SLC9C1: variants seen among roughly 807,000 people sequenced by gnomAD.
SLC9C1 encodes solute carrier family 9 member C1, also known as sodium/hydrogen exchanger 10.
Under a neutral mutation model 140.9 loss-of-function variants are expected in SLC9C1, and 97 were observed. The observed-to-expected ratio is 0.69, with a 90% CI of 0.58 to 0.82. The LOEUF (loss-of-function observed/expected upper bound fraction) is 0.82, where lower values mean the gene tolerates loss of function less well. Among genes scored for constraint, SLC9C1 ranks in the 40% least tolerant of loss-of-function variants. The pLI is 0.00. For synonymous variants in SLC9C1, 440 were observed against 442.6 expected (o/e 0.99, Z 0.07); for missense variants, 1,340 against 1,389.3 (o/e 0.96, Z 0.56).
intron 28 of SLC9C1, among the ~76,000 whole-genome samples, chr3:112,150,842 T>C (rs201046162): frequency 2.6e-5 from 1 of 39,104 alleles, no homozygotes; most frequent in Non-Finnish European, 4.1e-5. Flanking sequence ...ATATATATAT[T>C]TTTTTTTTTT....
intron 10 of SLC9C1, among the ~76,000 whole-genome samples, chr3:112,250,774 G>A (rs1454012233): frequency 6.6e-6 from 1 of 152,264 alleles, no homozygotes; most frequent in Non-Finnish European, 1.5e-5. Flanking sequence ...GAGAAAAAGG[G>A]ACAGTTATAT....
intron 1 of SLC9C1, among the ~76,000 whole-genome samples, chr3:112,292,741 C>T (rs1480212909): frequency 1.3e-5 from 2 of 151,448 alleles, no homozygotes; most frequent in African/African-American, 4.8e-5. Context: ...GACGGGGTTT[C>T]ACTGTGTTAG....
intron 12 of SLC9C1, among the ~76,000 whole-genome samples, chr3:112,232,407 G>A (rs2078852536): frequency 6.6e-6 from 1 of 152,160 alleles, no homozygotes; most frequent in African/African-American, 2.4e-5. Flanking sequence ...GTCAGCAAAA[G>A]TTCACAATCA....
At chr3:112,229,155 T>A (rs2078756446) in intron 13 of SLC9C1, among the ~76,000 whole-genome samples, 1 of 152,044 alleles carries the variant, frequency 6.6e-6, no homozygotes, top group African/African-American at 2.4e-5. Flanking sequence ...GAATAGTGGC[T>A]CCAAGAGGCT....
chr3:112,287,936 G>A (rs926450463), intron 1 of SLC9C1, among the ~76,000 whole-genome samples: 1 of 151,516 alleles, frequency 6.6e-6, no homozygotes, highest in Non-Finnish European at 1.5e-5. Context: ...CTAGCTACTC[G>A]GGAGGCTGAG....
At chr3:112,287,818 C>T (rs1166043909) in intron 1 of SLC9C1, among the ~76,000 whole-genome samples, 5 of 152,028 alleles carry the variant, frequency 3.3e-5, no homozygotes, top group South Asian at 4.2e-4. Flanking sequence ...GAGGCCGAGG[C>T]GGGTGGGTCA....
At chr3:112,143,253 C>A (rs1047425839) in intron 28 of SLC9C1, among the ~76,000 whole-genome samples, 1 of 151,690 alleles carries the variant, frequency 6.6e-6, no homozygotes, top group Non-Finnish European at 1.5e-5. Context: ...ATATATATAT[C>A]TCCAGTAATG....
chr3:112,247,548 A>G (rs2079322223), intron 10 of SLC9C1, among the ~76,000 whole-genome samples: 1 of 152,194 alleles, frequency 6.6e-6, no homozygotes. Context: ...CCTACTCAGC[A>G]TATTAAGCTG....
Position 112,157,358 on chromosome 3 carries a change from A to T in SLC9C1, c.3365-2309T>A, listed in dbSNP as rs117572910. ...GCATGGATTTATTTCTGGGTTCTTT[A>T]TTCTGCTCCATTGATCTATGTGTCT... On this transcript the variant is annotated intron_variant, in intron 26 of 28. Transcript: ENST00000305815. Among the ~76,000 whole-genome samples the T allele has an allele frequency of 2.5e-4, 38 of 151,968 alleles. 2 individuals are homozygous for T. The East Asian group carries it at 7.1e-3, about 29-fold the overall frequency.
chr3:112,199,147 C>T (rs569561556), intron 20 of SLC9C1, among the ~76,000 whole-genome samples, 174 bp downstream of exon 20: 1 of 151,292 alleles, frequency 6.6e-6, no homozygotes, highest in Non-Finnish European at 1.5e-5. Flanking sequence ...AAGCTGACCA[C>T]CTGGGCTGCA....
At position 112,150,750 on chromosome 3, in the gene SLC9C1, A is replaced by T. The variant is rs551457669; in HGVS notation, c.3524+1107T>A. ...CATGGAAGAAATATATATATATATA[A>T]AATATATATATAAAAATACATATAT... On this transcript the variant is annotated intron_variant, in intron 28 of 28. Coordinates refer to ENST00000305815, the MANE Select transcript of SLC9C1 (RefSeq NM_183061.3). Among the ~76,000 whole-genome samples, 134 of 144,960 alleles carry T rather than the reference A, an allele frequency of 9.2e-4. 4 individuals are homozygous for T. In the South Asian group the frequency reaches 0.024, roughly 26 times the overall value.
intron 11 of SLC9C1, among the ~76,000 whole-genome samples, chr3:112,243,152 G>A (rs768369363): frequency 5.3e-5 from 8 of 152,004 alleles, no homozygotes; most frequent in Admixed American, 3.9e-4. Flanking sequence ...TACCATTCAA[G>A]CTAGCCACCC....
chr3:112,152,143 G>A (rs2075001279), intron 27 of SLC9C1, among the ~76,000 whole-genome samples, 180 bp from the exon 28 acceptor site: 1 of 152,142 alleles, frequency 6.6e-6, no homozygotes, highest in South Asian at 2.1e-4. Context: ...CTCAGCATAG[G>A]GAAGACCCGC....
intron 15 of SLC9C1, among the ~76,000 whole-genome samples, chr3:112,210,804 C>G (rs1261737125): frequency 6.6e-6 from 1 of 152,094 alleles, no homozygotes; most frequent in Admixed American, 6.6e-5. Context: ...TCATCAGTCT[C>G]CTCTGAGGTG....
intron 16 of SLC9C1, among the ~76,000 whole-genome samples, chr3:112,207,094 A>C (rs1165274245): frequency 6.6e-6 from 1 of 152,214 alleles, no homozygotes; most frequent in Non-Finnish European, 1.5e-5. Flanking sequence ...TGAAGCATCT[A>C]TTCGAAGGGA....
chr3:112,231,595 A>G, intron 12 of SLC9C1, 109 bp from the exon 13 acceptor site: 1 of 1,034,976 alleles, frequency 9.7e-7, no homozygotes, highest in Non-Finnish European at 1.4e-6. Flanking sequence ...ATGGTAGCAA[A>G]TCTGGTAGAT....
intron 2 of SLC9C1, among the ~76,000 whole-genome samples, chr3:112,284,797 A>T (rs1264356298): frequency 6.6e-6 from 1 of 152,176 alleles, no homozygotes; most frequent in Non-Finnish European, 1.5e-5. Flanking sequence ...AGAAAAGATG[A>T]ACACTAGTAA....
chr3:112,279,429 T>C (rs1004086352), intron 3 of SLC9C1, among the ~76,000 whole-genome samples: 1 of 152,174 alleles, frequency 6.6e-6, no homozygotes, highest in Non-Finnish European at 1.5e-5. Flanking sequence ...ATTTATTACA[T>C]TTAAAGAACA....
intron 20 of SLC9C1, among the ~76,000 whole-genome samples, chr3:112,195,720 T>C (rs2077755516): frequency 6.6e-6 from 1 of 152,114 alleles, no homozygotes; most frequent in Non-Finnish European, 1.5e-5. Context: ...TTCCATAACA[T>C]TCAAAAACTC....
Sources: gnomAD v4.1 joint callset for allele counts (sites outside exome capture counted in the v4.1 genomes callset) on GRCh38, gnomAD v4.1.1 for gene constraint, MANE v1.5 for transcripts, NCBI Gene and HGNC (gene_info 2026-07-23, HGNC 2026-07-21) for gene names.